Variants in ART3 observed in about 807,000 individuals in gnomAD.
ART3 encodes ecto-ADP-ribosyltransferase 3.
In ART3, 49 loss-of-function variants were observed where a neutral mutation model predicts 48.5. The ratio of observed to expected loss-of-function variants is 1.01; its 90% CI spans 0.80 to 1.28. ART3 has a LOEUF of 1.28. Ranked by LOEUF, ART3 falls within the 50% of genes most tolerant of loss-of-function variation. The pLI, the probability that ART3 is intolerant of heterozygous loss-of-function variation, is 0.00. For missense variants in ART3, 438 were observed against 454.3 expected, an observed-to-expected ratio of 0.96 and a Z score of 0.33; for synonymous variants, 145 against 157.2, an observed-to-expected ratio of 0.92 and a Z score of 0.58.
intron 1 of ART3, among the ~76,000 whole-genome samples, chr4:76,016,478 C>T (rs920263618): frequency 2.0e-5 from 3 of 152,142 alleles, no homozygotes; most frequent in Non-Finnish European, 4.4e-5. Flanking sequence ...ACACCAAGCA[C>T]ACCTGTGGCC....
At chr4:76,109,225 C>G (rs1373092750) in intron 11 of ART3, among the ~76,000 whole-genome samples, 1 of 150,274 alleles carries the variant, frequency 6.7e-6, no homozygotes, top group African/African-American at 2.5e-5. Flanking sequence ...ATATCCTATT[C>G]TATAAAGCTT....
chr4:76,033,532 A>G (rs1734067435), intron 1 of ART3: 1 of 152,182 alleles, frequency 6.6e-6, no homozygotes, highest in Non-Finnish European at 1.5e-5. Context: ...AAGACCCCCC[A>G]AGGCCGACAA....
chr4:76,104,970 C>T (rs551381717), intron 10 of ART3, among the ~76,000 whole-genome samples: 10 of 152,172 alleles, frequency 6.6e-5, no homozygotes, highest in South Asian at 2.1e-4. Flanking sequence ...CTGAACTTCA[C>T]GTAACGCTGC....
chr4:76,106,295 A>G (rs1410658917), intron 10 of ART3: 3 of 985,314 alleles, frequency 3.0e-6, no homozygotes, highest in African/African-American at 3.5e-5. Context: ...TGGTAATATC[A>G]TAATATTTCT....
chr4:76,034,536 A>G (rs1471808297), intron 1 of ART3: 4 of 520,738 alleles, frequency 7.7e-6, no homozygotes, highest in Non-Finnish European at 1.3e-5. Context: ...AGCTTTTCCT[A>G]GAAATCCATT....
intron 3 of ART3, 32 bp downstream of exon 3, chr4:76,082,567 G>T: frequency 6.6e-7 from 1 of 1,507,996 alleles, no homozygotes; most frequent in East Asian, 2.3e-5. Context: ...GCTTGGCTGG[G>T]AGGGAAGGAG....
intron 1 of ART3, among the ~76,000 whole-genome samples, chr4:76,051,608 C>T (rs1255516301): frequency 4.6e-5 from 7 of 151,594 alleles, no homozygotes; most frequent in African/African-American, 4.9e-5. Flanking sequence ...GGCGTGATCT[C>T]GGCTGACCGC....
At chr4:76,033,111 G>C (rs1257659884) in intron 1 of ART3, among the ~76,000 whole-genome samples, 1 of 152,016 alleles carries the variant, frequency 6.6e-6, no homozygotes, top group Non-Finnish European at 1.5e-5. Flanking sequence ...AAGGCTTTTG[G>C]TTACATGCAG....
chr4:76,103,949 T>A lies in ART3; in HGVS notation c.950T>A (p.Leu317His). ...QKLEDHGVKI[L>H]EPTQIPGMKI... Reference sequence around the variant, plus strand: ...TTTCTGCCTTTAGGTGTGAAAATCCTTGAACCCACCCAAATACCTGGTAAG... The same window carrying A: ...TTTCTGCCTTTAGGTGTGAAAATCCATGAACCCACCCAAATACCTGGTAAG... Residue 317 changes from leucine (L) to histidine (H), a missense_variant, in exon 9 of 12, where the codon CTT becomes CAT. By Grantham distance (99) the Leu-to-His change is moderately conservative. Coordinates refer to ENST00000355810, the MANE Select transcript of ART3 (RefSeq NM_001130016.3). The A allele has an allele frequency of 1.2e-6, 2 of 1,613,608 alleles. No homozygotes were observed. Among genetic ancestry groups the A allele is most frequent in the Non-Finnish European group, 1.7e-6 (2 of 1,179,704 alleles).
intron 1 of ART3, among the ~76,000 whole-genome samples, chr4:76,048,783 C>T (rs1471560951): frequency 6.7e-6 from 1 of 150,270 alleles, no homozygotes; most frequent in Non-Finnish European, 1.5e-5. Context: ...CTTCCTAGAC[C>T]ACAAGGAGGA....
At chr4:76,022,162 G>A (rs1429195439) in intron 1 of ART3, among the ~76,000 whole-genome samples, 1 of 152,196 alleles carries the variant, frequency 6.6e-6, no homozygotes, top group African/African-American at 2.4e-5. Context: ...TGTACTTCAA[G>A]GTTGACTGGT....
At chr4:76,103,643 A>AC (rs1727827026) in intron 8 of ART3, among the ~76,000 whole-genome samples, 2 of 152,218 alleles carry the variant, frequency 1.3e-5, no homozygotes, top group African/African-American at 4.8e-5. Context: ...GAAATGTAAA[A>AC]CCAGTAGTGT....
Position 76,088,248 on chromosome 4 carries a change from C to CT in ART3, c.781+5726dup, listed in dbSNP as rs33947322. On this transcript the variant is annotated intron_variant, in intron 3 of 11. Coordinates refer to ENST00000355810, the MANE Select transcript of ART3 (RefSeq NM_001130016.3). The stretch of plus-strand genomic sequence containing the variant: ...GAGCACATATCATCCCCTGAACTCT[C>CT]TTTTTTTTTTTTTACTGAACAGAGT... Among the ~76,000 whole-genome samples the CT allele has an allele frequency of 2.9e-3, 424 of 147,620 alleles. 1 individual carries two copies. Among genetic ancestry groups the CT allele is most frequent in the Middle Eastern group, 0.01 (3 of 286 alleles).
intron 3 of ART3, among the ~76,000 whole-genome samples, chr4:76,087,060 T>C (rs1266908751): frequency 6.6e-6 from 1 of 152,186 alleles, no homozygotes; most frequent in East Asian, 1.9e-4. Flanking sequence ...TTTGGCCAGA[T>C]GCCGTTTGTG....
chr4:76,019,060 A>G (rs1732517397), intron 1 of ART3, among the ~76,000 whole-genome samples: 1 of 151,804 alleles, frequency 6.6e-6, no homozygotes, highest in African/African-American at 2.4e-5. Flanking sequence ...AAAAAAAAAA[A>G]AAGAACATAT....
In ART3 at chr4:76,075,957, A is replaced by G. The variant is rs1036874076; in HGVS notation, c.68A>G (p.Gln23Arg). 3.1e-6 allele frequency: 5 copies of G among 1,609,078 alleles called. No individual in the cohort carries two copies. Among genetic ancestry groups the G allele is most frequent in the Non-Finnish European group, 4.2e-6 (5 of 1,176,644 alleles). Reference protein sequence around the residue: ...LATMILVDIFQVKAEVLDMAD... With the variant: ...LATMILVDIFRVKAEVLDMAD... ...ACCATGATTCTAGTGGACATTTTCCAGGTAATGTTGGGAATGGGAAGCATG... is the reference window on the plus strand; with the variant it reads ...ACCATGATTCTAGTGGACATTTTCCGGGTAATGTTGGGAATGGGAAGCATG... The change falls in exon 2 of 12, where the codon CAG (glutamine) becomes CGG (arginine). Residue 23 changes from glutamine (Q) to arginine (R), a missense_variant and splice_region_variant. By Grantham distance (43) the Gln-to-Arg change is conservative. This residue lies in a region of ART3 where 206 missense variants were observed against 205.3 expected (regional missense o/e 1.00). Transcript: ENST00000355810.
intron 2 of ART3, among the ~76,000 whole-genome samples, chr4:76,079,195 G>A (rs1243273646): frequency 4.6e-4 from 34 of 73,610 alleles, no homozygotes; most frequent in African/African-American, 1.1e-3. Flanking sequence ...AAAAAAAAAA[G>A]GCGGGGGGCT....
intron 1 of ART3, among the ~76,000 whole-genome samples, chr4:76,048,209 T>C (rs943622032): frequency 1.3e-5 from 2 of 151,898 alleles, no homozygotes; most frequent in Non-Finnish European, 2.9e-5. Flanking sequence ...AGTTGTGTAT[T>C]CTCCCTCAAT....
intron 3 of ART3, among the ~76,000 whole-genome samples, chr4:76,096,472 G>C (rs1272760339): frequency 1.3e-5 from 2 of 152,284 alleles, no homozygotes; most frequent in East Asian, 3.9e-4. Context: ...TCCTATTGTA[G>C]GTAAAGAGGC....
Sources: allele counts gnomAD v4.1 joint callset (sites outside exome capture counted in the v4.1 genomes callset), GRCh38; gene constraint gnomAD v4.1.1; regional missense constraint gnomAD v4.1.1; transcripts MANE v1.5; gene names NCBI Gene and HGNC (gene_info 2026-07-23, HGNC 2026-07-21).